The following PCDH15 variants were observed in gnomAD, a reference collection of about 807,000 sequenced individuals.
PCDH15 encodes the protein protocadherin related 15, also known as protocadherin-15.
PCDH15 carries 129 observed loss-of-function variants against 178.5 expected under a neutral mutation model. That is an observed-to-expected ratio of 0.72 (90% CI 0.63 to 0.84). PCDH15 has a LOEUF of 0.84. Among genes scored for constraint, PCDH15 ranks in the 40% least tolerant of loss-of-function variants. The probability of loss-of-function intolerance (pLI) is 0.00; values close to 1 mark genes in which losing one functional copy is unlikely to be tolerated. For missense variants in PCDH15, 2,230 were observed against 2,099.9 expected (o/e 1.06, Z -1.21); for synonymous variants, 800 against 732.0 (o/e 1.09, Z -1.50).
At chr10:55,051,975 A>G (rs1054188253) in intron 2 of PCDH15, among the ~76,000 whole-genome samples, 1 of 152,156 alleles carries the variant, frequency 6.6e-6, no homozygotes, top group Non-Finnish European at 1.5e-5. Flanking sequence ...GATAGGGTGG[A>G]GCAAATGAAA....
At chr10:54,958,228 A>C (rs1838543257) in intron 2 of PCDH15, among the ~76,000 whole-genome samples, 2 of 139,640 alleles carry the variant, frequency 1.4e-5, no homozygotes, top group East Asian at 2.0e-4. Context: ...CAGGGTAGTA[A>C]ATTTGTCTCT....
intron 3 of PCDH15, among the ~76,000 whole-genome samples, chr10:54,518,016 G>A (rs114859355): frequency 0.023 from 3,462 of 152,224 alleles, 127 homozygotes; most frequent in African/African-American, 0.078. Flanking sequence ...AAAACAACGA[G>A]AACAAAGACG....
Position 54,764,368 on chromosome 10 carries a change from A to C in PCDH15, c.-29+36557T>G, listed in dbSNP as rs144528479. Among the ~76,000 whole-genome samples the C allele has an allele frequency of 7.2e-3, 1,098 of 152,218 alleles. 31 individuals are homozygous for C. The highest frequency in any genetic ancestry group is 0.065 in the East Asian group (338 of 5,176). ...AGAATCTATTACAAAACCTAGAGAA[A>C]TGTGACTCCTATGAACCACTGTTAT... On this transcript the variant is annotated intron_variant, in intron 1 of 37. Transcript: ENST00000644397.
At chr10:54,217,556 A>C (rs1457952802) in intron 9 of PCDH15, among the ~76,000 whole-genome samples, 1 of 152,198 alleles carries the variant, frequency 6.6e-6, no homozygotes, top group Non-Finnish European at 1.5e-5. Flanking sequence ...GAAATTAAAA[A>C]TTAAAGAGGT....
intron 1 of PCDH15, among the ~76,000 whole-genome samples, chr10:54,783,191 A>T (rs1831696802): frequency 6.6e-6 from 1 of 152,124 alleles, no homozygotes. Context: ...ACAAAGAAAC[A>T]GATACAAGAA....
intron 15 of PCDH15, among the ~76,000 whole-genome samples, chr10:54,090,671 C>T (rs2094586351): frequency 6.8e-6 from 1 of 147,302 alleles, no homozygotes; most frequent in African/African-American, 2.5e-5. Flanking sequence ...AAGTGCTAAA[C>T]TATGTTTACA....
At chr10:55,438,229 T>C (rs1417460175) in intron 2 of PCDH15, among the ~76,000 whole-genome samples, 1 of 128,294 alleles carries the variant, frequency 7.8e-6, no homozygotes, top group African/African-American at 3.0e-5. Context: ...ACACACAAAA[T>C]ACCTACATGC....
chr10:53,925,091 A>G (rs2084386630), intron 25 of PCDH15, among the ~76,000 whole-genome samples: 1 of 152,172 alleles, frequency 6.6e-6, no homozygotes, highest in African/African-American at 2.4e-5. Context: ...TGCCCCAGCT[A>G]GCTGTGGCAA....
At chr10:55,122,443 G>A (rs1837794421) in intron 2 of PCDH15, among the ~76,000 whole-genome samples, 1 of 152,088 alleles carries the variant, frequency 6.6e-6, no homozygotes, top group Non-Finnish European at 1.5e-5. Context: ...TTGAGTAAAT[G>A]AGTTTGAGTT....
At chr10:55,177,805 C>T (rs1385106914) in intron 1 of PCDH15, among the ~76,000 whole-genome samples, 1 of 152,108 alleles carries the variant, frequency 6.6e-6, no homozygotes, top group Non-Finnish European at 1.5e-5. Flanking sequence ...CAAATCTATG[C>T]AGCCAGAGAG....
chr10:55,452,883 G>A (rs1839466685), intron 2 of PCDH15, among the ~76,000 whole-genome samples: 1 of 152,082 alleles, frequency 6.6e-6, no homozygotes, highest in Non-Finnish European at 1.5e-5. Flanking sequence ...CCTTCAAAGA[G>A]TATATACTAT....
At chr10:55,331,796 A>G (rs560075559) in intron 2 of PCDH15, among the ~76,000 whole-genome samples, 1 of 152,222 alleles carries the variant, frequency 6.6e-6, no homozygotes, top group Admixed American at 6.5e-5. Context: ...TTGAAAAAGC[A>G]TTATTAACGG....
At chr10:54,305,848 C>G (rs933023949) in intron 8 of PCDH15, among the ~76,000 whole-genome samples, 2 of 151,386 alleles carry the variant, frequency 1.3e-5, no homozygotes, top group East Asian at 1.9e-4. Context: ...AAATGGCACA[C>G]AAAGACATTT....
intron 2 of PCDH15, among the ~76,000 whole-genome samples, chr10:55,503,578 A>C (rs1042187960): frequency 4.6e-5 from 7 of 151,272 alleles, no homozygotes; most frequent in African/African-American, 1.5e-4. Context: ...ATTTTAAACT[A>C]TTGGTAATAT....
Position 54,725,130 on chromosome 10 carries a change from C to G in PCDH15, c.-28-60840G>C, listed in dbSNP as rs953958188. Among the ~76,000 whole-genome samples, 5 of 151,408 alleles carry G rather than the reference C, an allele frequency of 3.3e-5. No homozygotes were observed. The Admixed American group carries it at 3.3e-4, about 10-fold the overall frequency. ...CATTGAGTTGTAGAATATTCCAACA[C>G]TGTGGGTTCATGAGCCATTCTGAAA... On this transcript the variant is annotated intron_variant, in intron 1 of 37. Transcript: ENST00000644397.
chr10:54,541,870 T>A (rs1436723206), intron 2 of PCDH15, among the ~76,000 whole-genome samples: 1 of 152,170 alleles, frequency 6.6e-6, no homozygotes, highest in East Asian at 1.9e-4. Context: ...AGAATCAATG[T>A]CACTGTTTAA....
chr10:55,322,527 GA>G (rs1338497113), upstream of PCDH15, among the ~76,000 whole-genome samples: 1 of 152,158 alleles, frequency 6.6e-6, no homozygotes, highest in Non-Finnish European at 1.5e-5. Context: ...GAGACTTGCT[GA>G]ATGGCTTTGC....
intron 2 of PCDH15, among the ~76,000 whole-genome samples, chr10:54,993,395 C>T (rs1213579821): frequency 6.6e-6 from 1 of 152,084 alleles, no homozygotes; most frequent in Non-Finnish European, 1.5e-5. Flanking sequence ...CTACATTAAG[C>T]CACAAATCAT....
intron 2 of PCDH15, among the ~76,000 whole-genome samples, chr10:55,011,406 A>C (rs1036625827): frequency 6.6e-6 from 1 of 152,124 alleles, no homozygotes; most frequent in Non-Finnish European, 1.5e-5. Flanking sequence ...AATGTCAAAT[A>C]TACTTAGACG....
Sources: gnomAD v4.1 joint callset for allele counts (sites outside exome capture counted in the v4.1 genomes callset) on GRCh38, gnomAD v4.1.1 for gene constraint, MANE v1.5 for transcripts, NCBI Gene and HGNC (gene_info 2026-07-23, HGNC 2026-07-21) for gene names.